The following DACH1 variants were observed in gnomAD, a reference collection of about 807,000 sequenced individuals.
The protein encoded by DACH1 is dachshund family transcription factor 1.
DACH1 carries 12 observed loss-of-function variants against 54.2 expected under a neutral mutation model. The observed-to-expected ratio is 0.22, with a 90% CI of 0.14 to 0.36. The LOEUF is 0.36. DACH1 is among the 10% of genes least tolerant of loss of function. DACH1 has a pLI of 1.00. For synonymous variants in DACH1, 386 were observed against 366.2 expected, an observed-to-expected ratio of 1.05 and a Z score of -0.62; for missense variants, 805 against 929.8, an observed-to-expected ratio of 0.87 and a Z score of 1.75.
In DACH1 at chr13:71,735,341, T is replaced by TGATATAC. The variant is rs1884010825; in HGVS notation, c.849-53432_849-53431insGTATATC. ...ATGGGATATACACGTATACGGGATA[T>TGATATAC]ACGTGTATATGGGATATACACGTAT... On this transcript the variant is annotated intron_variant, in intron 1 of 10. Coordinates refer to ENST00000613252, the MANE Select transcript of DACH1 (RefSeq NM_080759.6). Among the ~76,000 whole-genome samples the TGATATAC allele has an allele frequency of 4.3e-5, 2 of 46,160 alleles. 1 individual carries two copies. Among genetic ancestry groups the TGATATAC allele is most frequent in the Non-Finnish European group, 1.8e-4 (2 of 10,976 alleles). 30.3% of individuals were successfully genotyped at this position (46,160 alleles called of 152,430 possible). A position where few individuals can be genotyped will look rare whatever the true frequency, so the allele number is the denominator to read the frequency against.
intron 6 of DACH1, among the ~76,000 whole-genome samples, chr13:71,543,277 G>A (rs1883251911): frequency 6.6e-6 from 1 of 152,042 alleles, no homozygotes; most frequent in East Asian, 1.9e-4. Context: ...AGGATACACT[G>A]GAATCAGCAC....
In DACH1 at chr13:71,807,751, T is replaced by C. The variant is rs758391553; in HGVS notation, c.848+58171A>G. ...ATACAGTAAAAATATTTTAAAAAAT[T>C]AATCCAAATGCCAATTTTTACTCCT... On this transcript the variant is annotated intron_variant, in intron 1 of 10. Coordinates refer to ENST00000613252, the MANE Select transcript of DACH1 (RefSeq NM_080759.6). 2.6e-5 allele frequency among the ~76,000 whole-genome samples: 4 copies of C among 152,296 alleles called. No individual in the cohort carries two copies. In the South Asian group the frequency reaches 6.2e-4, roughly 24 times the overall value.
At chr13:71,853,151 C>T (rs896800888) in intron 1 of DACH1, among the ~76,000 whole-genome samples, 5 of 152,138 alleles carry the variant, frequency 3.3e-5, no homozygotes, top group African/African-American at 9.7e-5. Context: ...AATTTCTCTA[C>T]GTGACCACAT....
rs906599808 is a variant in DACH1, at chr13:71,706,769, C to A, written c.849-24859G>T. 2.6e-5 allele frequency among the ~76,000 whole-genome samples: 4 copies of A among 151,998 alleles called. No homozygotes were observed. The East Asian group carries it at 7.7e-4, about 29-fold the overall frequency. ...TATAAAGTTGAAAAATGTTAAAATG[C>A]ATTAATTCTCATATTAAAGTCAAGT... On this transcript the variant is annotated intron_variant, in intron 1 of 10. Coordinates refer to ENST00000613252, the MANE Select transcript of DACH1 (RefSeq NM_080759.6).
chr13:71,484,432 G>A (rs540071652), intron 7 of DACH1, among the ~76,000 whole-genome samples: 2 of 152,246 alleles, frequency 1.3e-5, no homozygotes, highest in South Asian at 4.2e-4. Flanking sequence ...CTCCCAAAGT[G>A]CTGGGATTAC....
At chr13:71,462,897 CACACACACACACACACACAT>C (rs1345408565) in intron 10 of DACH1, among the ~76,000 whole-genome samples, 4 of 75,580 alleles carry the variant, frequency 5.3e-5, no homozygotes, top group South Asian at 1.8e-3. Flanking sequence ...CACACACACA[CACACACACACACACACACAT>C]AAACCATGAA....
chr13:71,572,482 C>T (rs1451794993), intron 4 of DACH1, among the ~76,000 whole-genome samples: 1 of 152,074 alleles, frequency 6.6e-6, no homozygotes, highest in African/African-American at 2.4e-5. Context: ...GGTGACAGAG[C>T]TAGGAAGTGG....
chr13:71,654,694 C>T (rs1248163839), intron 2 of DACH1, among the ~76,000 whole-genome samples: 1 of 151,984 alleles, frequency 6.6e-6, no homozygotes, highest in African/African-American at 2.4e-5. Context: ...ATAAGCATTA[C>T]AGTTCACAAA....
chr13:71,706,022 AG>A (rs1882424138), intron 1 of DACH1, among the ~76,000 whole-genome samples: 1 of 151,996 alleles, frequency 6.6e-6, no homozygotes, highest in Non-Finnish European at 1.5e-5. Flanking sequence ...TTATCAATCA[AG>A]AAATCTAGTG....
chr13:71,573,038 AT>A (rs1208318185), intron 3 of DACH1, 26 bp from the exon 4 acceptor site: 1 of 1,604,924 alleles, frequency 6.2e-7, no homozygotes, highest in African/African-American at 1.3e-5. Context: ...ATATATCATC[AT>A]TGCTCTGGAG....
At chr13:71,453,376 A>T (rs150752389) in intron 10 of DACH1, among the ~76,000 whole-genome samples, 1 of 152,178 alleles carries the variant, frequency 6.6e-6, no homozygotes, top group Non-Finnish European at 1.5e-5. Context: ...ATCAAATAAG[A>T]TGCTACAGAG....
chr13:71,599,583 C>T (rs1326198670), intron 3 of DACH1, among the ~76,000 whole-genome samples: 2 of 152,060 alleles, frequency 1.3e-5, no homozygotes, highest in African/African-American at 2.4e-5. Flanking sequence ...TCAATTAATA[C>T]ACATCTCTCC....
At chr13:71,830,446 G>C (rs994191280) in intron 1 of DACH1, among the ~76,000 whole-genome samples, 7 of 151,844 alleles carry the variant, frequency 4.6e-5, no homozygotes, top group African/African-American at 7.2e-5. Context: ...CCAGTTTCCA[G>C]TTCCTGTCGT....
At chr13:71,541,230 G>A (rs1250582979) in intron 6 of DACH1, among the ~76,000 whole-genome samples, 2 of 151,860 alleles carry the variant, frequency 1.3e-5, no homozygotes, top group Non-Finnish European at 2.9e-5. Flanking sequence ...TTACAACTAG[G>A]TGCAAGAGAT....
intron 3 of DACH1, among the ~76,000 whole-genome samples, chr13:71,609,541 C>CA (rs1406521960): frequency 6.8e-6 from 1 of 147,966 alleles, no homozygotes; most frequent in Non-Finnish European, 1.5e-5. Context: ...TAGAAGTTGA[C>CA]TTTTTTTTTT....
At chr13:71,845,221 G>T (rs1873149080) in intron 1 of DACH1, among the ~76,000 whole-genome samples, 1 of 149,640 alleles carries the variant, frequency 6.7e-6, no homozygotes, top group Admixed American at 6.6e-5. Context: ...ATAAATATGT[G>T]CAATTGTTAT....
chr13:71,796,214 G>T (rs7993768), intron 1 of DACH1, among the ~76,000 whole-genome samples: 3 of 152,046 alleles, frequency 2.0e-5, no homozygotes, highest in African/African-American at 7.2e-5. Flanking sequence ...TAGAATAATA[G>T]TGCTTGTTCT....
intron 6 of DACH1, among the ~76,000 whole-genome samples, chr13:71,512,695 A>G (rs1241626310): frequency 6.6e-6 from 1 of 151,948 alleles, no homozygotes; most frequent in Non-Finnish European, 1.5e-5. Flanking sequence ...TAATGTATTC[A>G]TGTGTAAATT....
chr13:71,626,776 A>G (rs1297465906), intron 3 of DACH1, among the ~76,000 whole-genome samples: 2 of 152,036 alleles, frequency 1.3e-5, no homozygotes, highest in Non-Finnish European at 2.9e-5. Flanking sequence ...AATTCAAATC[A>G]TAAATCTATG....
Sources: allele counts gnomAD v4.1 joint callset (sites outside exome capture counted in the v4.1 genomes callset), GRCh38; gene constraint gnomAD v4.1.1; transcripts MANE v1.5; gene names NCBI Gene and HGNC (gene_info 2026-07-23, HGNC 2026-07-21).